GPM6A: variants seen among roughly 807,000 people sequenced by gnomAD.
GPM6A encodes glycoprotein M6A.
In GPM6A, 7 loss-of-function variants were observed where a neutral mutation model predicts 32.1. That is an observed-to-expected ratio of 0.22 (90% confidence interval 0.12 to 0.41). The LOEUF is 0.41. Among genes scored for constraint, GPM6A ranks in the 10% least tolerant of loss-of-function variants. GPM6A has a pLI of 1.00. For missense variants in GPM6A, 235 were observed against 347.2 expected (o/e 0.68, Z 2.57); for synonymous variants, 130 against 123.4 (o/e 1.05, Z -0.35).
intron 3 of GPM6A, among the ~76,000 whole-genome samples, chr4:175,663,698 T>TC (rs1409356468): frequency 6.6e-6 from 1 of 151,360 alleles, no homozygotes; most frequent in Non-Finnish European, 1.5e-5. Context: ...ATGTAAATTT[T>TC]TTTTTTTTTT....
chr4:175,692,949 C>A (rs1744378504), intron 2 of GPM6A, among the ~76,000 whole-genome samples: 1 of 152,086 alleles, frequency 6.6e-6, no homozygotes, highest in Admixed American at 6.5e-5. Context: ...TATGTCTCTG[C>A]AAAATACCAT....
At chr4:175,685,379 G>C (rs910110905) in intron 2 of GPM6A, among the ~76,000 whole-genome samples, 12 of 152,212 alleles carry the variant, frequency 7.9e-5, no homozygotes, top group African/African-American at 2.9e-4. Flanking sequence ...TCTTTGAGGA[G>C]TGTTTCACAG....
At chr4:175,952,901 C>T (rs969934943) in intron 1 of GPM6A, among the ~76,000 whole-genome samples, 5 of 151,810 alleles carry the variant, frequency 3.3e-5, no homozygotes, top group Non-Finnish European at 5.9e-5. Context: ...TAAAAATTTG[C>T]TAGGCATGGT....
At chr4:175,858,013 C>T (rs1054612918) in intron 1 of GPM6A, among the ~76,000 whole-genome samples, 1 of 151,946 alleles carries the variant, frequency 6.6e-6, no homozygotes, top group African/African-American at 2.4e-5. Context: ...AAAAAATGGT[C>T]TAGAACCACA....
chr4:175,823,334 T>C lies in GPM6A; in HGVS notation c.-22-11085A>G, dbSNP rs376267296. The stretch of plus-strand genomic sequence containing the variant: ...CATAGGTTATAACTTATCTGAAAAG[T>C]GGATGATTTTTTTTGGCTCCATTCA... On this transcript the variant is annotated intron_variant, in intron 1 of 7. Transcript: ENST00000280187. Among the ~76,000 whole-genome samples, 5 of 152,326 alleles carry C rather than the reference T, an allele frequency of 3.3e-5. No homozygotes were observed. The East Asian group carries it at 9.6e-4, about 29-fold the overall frequency.
chr4:175,866,050 G>T (rs949612911), intron 1 of GPM6A, among the ~76,000 whole-genome samples: 3 of 152,120 alleles, frequency 2.0e-5, no homozygotes, highest in African/African-American at 2.4e-5. Context: ...AGTAGTTTAA[G>T]TCTTTCACAG....
chr4:175,771,580 T>C (rs1251230352), intron 1 of GPM6A, among the ~76,000 whole-genome samples: 1 of 149,420 alleles, frequency 6.7e-6, no homozygotes, highest in Non-Finnish European at 1.5e-5. Context: ...AGAATTTTCA[T>C]AAACATTATA....
At chr4:175,800,706 T>C (rs1734438746) in intron 1 of GPM6A, 1 of 182,164 alleles carries the variant, frequency 5.5e-6, no homozygotes, top group African/African-American at 2.4e-5. Flanking sequence ...GAGGTAATAA[T>C]GGTCAGGTTA....
At chr4:175,874,362 C>T (rs1321290519) in intron 1 of GPM6A, among the ~76,000 whole-genome samples, 1 of 152,124 alleles carries the variant, frequency 6.6e-6, no homozygotes, top group Admixed American at 6.5e-5. Context: ...GAAAAGGGAA[C>T]TATTTTTCAA....
intron 4 of GPM6A, among the ~76,000 whole-genome samples, chr4:175,648,362 A>C (rs1741594467): frequency 6.6e-6 from 1 of 152,136 alleles, no homozygotes; most frequent in Non-Finnish European, 1.5e-5. Context: ...GTAAGCCGTG[A>C]AGGGGAATTA....
At position 175,640,841 on chromosome 4, in the gene GPM6A, G is replaced by A; in HGVS notation, c.542-12C>T. The A allele has an allele frequency of 6.6e-7, 1 of 1,526,450 alleles. No homozygotes were observed. The highest frequency in any genetic ancestry group is 9.1e-7 in the Non-Finnish European group (1 of 1,100,910). 94.6% of individuals were successfully genotyped at this position (1,526,450 alleles called of 1,614,324 possible). ...AATTGTCACAATTCCTACAATGTGT[G>A]GGAAATGACAGTTTAGCAGTATAAA... On this transcript the variant is annotated splice_polypyrimidine_tract_variant and intron_variant, in intron 4 of 6. Transcript: ENST00000393658.
intron 1 of GPM6A, among the ~76,000 whole-genome samples, chr4:175,887,342 A>G (rs1233740131): frequency 6.6e-6 from 1 of 152,014 alleles, no homozygotes; most frequent in East Asian, 1.9e-4. Flanking sequence ...AAGAAAAATT[A>G]ATAATAAACT....
chr4:175,791,279 A>G (rs1245657461), intron 1 of GPM6A, among the ~76,000 whole-genome samples: 1 of 152,208 alleles, frequency 6.6e-6, no homozygotes, highest in Non-Finnish European at 1.5e-5. Flanking sequence ...ACAAGAATTT[A>G]ATAATGTTTT....
intron 1 of GPM6A, among the ~76,000 whole-genome samples, chr4:175,863,768 G>A (rs946000908): frequency 5.3e-5 from 8 of 152,288 alleles, no homozygotes; most frequent in Middle Eastern, 6.8e-3. Flanking sequence ...TTGGGATGCC[G>A]AGGTGGGAGG....
intron 2 of GPM6A, among the ~76,000 whole-genome samples, chr4:175,682,608 C>T (rs1743749698): frequency 1.3e-5 from 2 of 152,248 alleles, no homozygotes; most frequent in South Asian, 4.1e-4. Flanking sequence ...AGTCCAGGGC[C>T]CCACTATCCT....
chr4:175,785,741 A>G (rs1469042676), intron 1 of GPM6A, among the ~76,000 whole-genome samples: 1 of 152,230 alleles, frequency 6.6e-6, no homozygotes, highest in Non-Finnish European at 1.5e-5. Flanking sequence ...GGGTTTGAAA[A>G]ATAGATGCAG....
Position 175,948,487 on chromosome 4 carries a change from T to G in GPM6A, c.-23+53822A>C, listed in dbSNP as rs1739686279. On this transcript the variant is annotated intron_variant, in intron 1 of 7. Transcript: ENST00000280187. ...CTCTGAGAAATAAAGGTTTGTTGAT[T>G]AAGCCCCACAGTCTATTGTATTGTG... Among the ~76,000 whole-genome samples, 8 of 152,304 alleles carry G rather than the reference T, an allele frequency of 5.3e-5. No individual in the cohort carries two copies. In the South Asian group the frequency reaches 1.7e-3, roughly 32 times the overall value.
chr4:175,664,727 C>T (rs560366110), intron 3 of GPM6A, among the ~76,000 whole-genome samples: 5 of 152,234 alleles, frequency 3.3e-5, no homozygotes, highest in South Asian at 2.1e-4. Flanking sequence ...TGTAGAAGTT[C>T]GTTCTATCCT....
At chr4:175,639,956 G>T (rs1001170273) in intron 6 of GPM6A, among the ~76,000 whole-genome samples, 173 bp downstream of exon 6, 31 of 150,482 alleles carry the variant, frequency 2.1e-4, no homozygotes, top group African/African-American at 7.2e-4. Flanking sequence ...TATTTCTTGG[G>T]GTTTAGTCTT....
Sources: gnomAD v4.1 joint callset for allele counts (sites outside exome capture counted in the v4.1 genomes callset) on GRCh38, gnomAD v4.1.1 for gene constraint, MANE v1.5 for transcripts, NCBI Gene and HGNC (gene_info 2026-07-23, HGNC 2026-07-21) for gene names.